The following HCN1 variants were observed in gnomAD, a reference collection of about 807,000 sequenced individuals.
HCN1 encodes the protein hyperpolarization activated cyclic nucleotide gated potassium channel 1.
Under a neutral mutation model 78.9 loss-of-function variants are expected in HCN1, and 13 were observed. The ratio of observed to expected loss-of-function variants is 0.16; its 90% CI spans 0.11 to 0.26. The LOEUF is 0.26. Ranked by LOEUF, HCN1 falls within the 10% of genes least tolerant of loss-of-function variation. The pLI, the probability that HCN1 is intolerant of heterozygous loss-of-function variation, is 1.00. For missense variants in HCN1, 810 were observed against 1,154.3 expected, an observed-to-expected ratio of 0.70 and a Z score of 4.32; for synonymous variants, 552 against 455.5, an observed-to-expected ratio of 1.21 and a Z score of -2.70.
At chr5:45,347,919 G>A (rs1392248028) in intron 5 of HCN1, among the ~76,000 whole-genome samples, 1 of 152,122 alleles carries the variant, frequency 6.6e-6, no homozygotes, top group Non-Finnish European at 1.5e-5. Flanking sequence ...GGGGAGAATG[G>A]AACCAAGTTG....
At position 45,269,548 on chromosome 5, in the gene HCN1, T is replaced by A. The variant is rs552590713; in HGVS notation, c.1619-2295A>T. Reference sequence around the variant, plus strand: ...GGTAATGTTGCAGAATTTGTTAATTTAAAGTTTTTCATTAGGGTAAATAGG... The same window carrying A: ...GGTAATGTTGCAGAATTTGTTAATTAAAAGTTTTTCATTAGGGTAAATAGG... On this transcript the variant is annotated intron_variant, in intron 6 of 7. Transcript: ENST00000303230. Among the ~76,000 whole-genome samples the A allele has an allele frequency of 2.5e-4, 38 of 152,314 alleles. No homozygotes were observed. In the East Asian group the frequency reaches 5.2e-3, roughly 21 times the overall value.
chr5:45,682,721 G>A (rs568643198), intron 1 of HCN1, among the ~76,000 whole-genome samples: 5 of 151,590 alleles, frequency 3.3e-5, no homozygotes, highest in South Asian at 2.1e-4. Context: ...GTAAAGAAAC[G>A]AAACATTAAG....
At chr5:45,303,474 A>C in intron 6 of HCN1, 125 bp downstream of exon 6, 1 of 901,470 alleles carries the variant, frequency 1.1e-6, no homozygotes, top group East Asian at 2.5e-5. Context: ...AGACACTTTT[A>C]TCAGAATTCA....
chr5:45,455,702 C>T (rs933938129), intron 3 of HCN1, among the ~76,000 whole-genome samples: 20 of 133,986 alleles, frequency 1.5e-4, no homozygotes, highest in African/African-American at 5.7e-4. Context: ...TCTGTACAAA[C>T]GAGTTAGGAT....
intron 4 of HCN1, among the ~76,000 whole-genome samples, chr5:45,377,037 A>C (rs555444794): frequency 6.6e-6 from 1 of 152,120 alleles, no homozygotes; most frequent in Admixed American, 6.6e-5. Flanking sequence ...AAGTAATTAT[A>C]AGAAAAGGTT....
intron 6 of HCN1, among the ~76,000 whole-genome samples, chr5:45,281,312 TTC>T (rs368864355): frequency 2.0e-5 from 3 of 150,636 alleles, no homozygotes; most frequent in South Asian, 2.1e-4. Context: ...TACTTCCCCC[TTC>T]TCTCTCTCTC....
At chr5:45,630,826 TTTTA>T (rs1343496500) in intron 2 of HCN1, among the ~76,000 whole-genome samples, 1 of 152,162 alleles carries the variant, frequency 6.6e-6, no homozygotes, top group Non-Finnish European at 1.5e-5. Flanking sequence ...TTTTTAAATT[TTTTA>T]TTTATTTGTC....
chr5:45,553,756 T>C (rs754488285), intron 2 of HCN1, among the ~76,000 whole-genome samples: 5 of 151,996 alleles, frequency 3.3e-5, no homozygotes, highest in Non-Finnish European at 5.9e-5. Context: ...CTAAATGCTA[T>C]GTAAAGAGTT....
chr5:45,314,595 A>C (rs1300661647), intron 5 of HCN1, among the ~76,000 whole-genome samples: 1 of 152,194 alleles, frequency 6.6e-6, no homozygotes, highest in Non-Finnish European at 1.5e-5. Context: ...AAGACCCATC[A>C]GTGTGCTATA....
intron 2 of HCN1, among the ~76,000 whole-genome samples, chr5:45,592,547 C>A (rs146547498): frequency 1.3e-5 from 2 of 152,162 alleles, no homozygotes; most frequent in African/African-American, 4.8e-5. Flanking sequence ...AATCTTATTT[C>A]ATTATATCAT....
chr5:45,693,161 C>A lies in HCN1; in HGVS notation c.425+2508G>T, dbSNP rs149671723. Among the ~76,000 whole-genome samples the A allele has an allele frequency of 8.9e-3, 1,356 of 152,204 alleles. 16 individuals carry two copies. Among genetic ancestry groups the A allele is most frequent in the South Asian group, 0.028 (135 of 4,818 alleles). Reference sequence around the variant, plus strand: ...TTCCTTTCCCTGTAGAAAAAAACTACCGCTAGAATTTTGTCTTTCCTATTT... The same window carrying A: ...TTCCTTTCCCTGTAGAAAAAAACTAACGCTAGAATTTTGTCTTTCCTATTT... On this transcript the variant is annotated intron_variant, in intron 1 of 7. Coordinates refer to ENST00000303230, the MANE Select transcript of HCN1 (RefSeq NM_021072.4).
At chr5:45,590,795 A>G (rs2111943141) in intron 2 of HCN1, among the ~76,000 whole-genome samples, 1 of 152,212 alleles carries the variant, frequency 6.6e-6, no homozygotes, top group Non-Finnish European at 1.5e-5. Flanking sequence ...TCCTCCATAC[A>G]TATTCATGGC....
chr5:45,430,816 T>C (rs1038740351), intron 3 of HCN1, among the ~76,000 whole-genome samples: 8 of 152,026 alleles, frequency 5.3e-5, no homozygotes, highest in Non-Finnish European at 1.2e-4. Flanking sequence ...AGCGAGACTC[T>C]GCCTCAAAAA....
chr5:45,496,847 T>A (rs1230278160), intron 2 of HCN1, among the ~76,000 whole-genome samples: 6 of 152,064 alleles, frequency 3.9e-5, no homozygotes, highest in African/African-American at 1.4e-4. Context: ...ATTTAGTGCA[T>A]AAATTTCCCT....
intron 1 of HCN1, among the ~76,000 whole-genome samples, chr5:45,687,835 T>C (rs550599213): frequency 3.3e-5 from 5 of 152,280 alleles, no homozygotes; most frequent in Non-Finnish European, 7.4e-5. Flanking sequence ...AAACATGATT[T>C]TTTATCTGAA....
chr5:45,353,116 T>C lies in HCN1; in HGVS notation c.1361A>G (p.Asn454Ser). ...AAATCTTACCTCTCTCAGAGGATCA[T>C]TGAGTTCATTGAGAATATTTTCCTC... ...FDEENILNEL[N>S]DPLREEIVNF... Residue 454 changes from asparagine to serine, a missense_variant, in exon 5 of 8, where the codon AAT (asparagine) becomes AGT (serine). By Grantham distance (46) the Asn-to-Ser change is conservative. Transcript: ENST00000303230. 2.5e-6 allele frequency: 4 copies of C among 1,611,012 alleles called. No individual in the cohort carries two copies. Among genetic ancestry groups the C allele is most frequent in the East Asian group, 2.2e-5 (1 of 44,702 alleles).
chr5:45,333,695 T>C (rs1338183988), intron 5 of HCN1, among the ~76,000 whole-genome samples: 1 of 151,842 alleles, frequency 6.6e-6, no homozygotes, highest in Non-Finnish European at 1.5e-5. Flanking sequence ...GTTTCATTCT[T>C]CTGCATATGG....
intron 5 of HCN1, among the ~76,000 whole-genome samples, chr5:45,328,451 C>A (rs1005914059): frequency 1.3e-5 from 2 of 151,558 alleles, no homozygotes; most frequent in African/African-American, 4.8e-5. Flanking sequence ...ACTTAATTAC[C>A]TCTTCAAATA....
At chr5:45,660,529 A>G (rs1372890596) in intron 1 of HCN1, among the ~76,000 whole-genome samples, 3 of 151,564 alleles carry the variant, frequency 2.0e-5, no homozygotes, top group African/African-American at 7.3e-5. Context: ...AAGAGTCAAG[A>G]CCCATCAGTG....
Sources: allele counts gnomAD v4.1 joint callset (sites outside exome capture counted in the v4.1 genomes callset), GRCh38; gene constraint gnomAD v4.1.1; transcripts MANE v1.5; gene names NCBI Gene and HGNC (gene_info 2026-07-23, HGNC 2026-07-21).